Variants in COG2 observed in about 807,000 individuals in gnomAD.
COG2 encodes conserved oligomeric Golgi complex subunit 2.
A neutral mutation model predicts 90.6 loss-of-function variants in COG2; 52 were observed. That is an observed-to-expected ratio of 0.57 (90% CI 0.46 to 0.72). The LOEUF (loss-of-function observed/expected upper bound fraction) is 0.72. COG2 is among the 30% of genes least tolerant of loss of function. COG2 has a pLI of 0.00. For missense variants in COG2, 829 were observed against 891.2 expected (o/e 0.93, Z 0.89); for synonymous variants, 337 against 320.4 (o/e 1.05, Z -0.55).
At chr1:230,690,404 C>T (rs1185718679) in intron 16 of COG2, 2 of 345,956 alleles carry the variant, frequency 5.8e-6, no homozygotes, top group East Asian at 5.0e-5. Flanking sequence ...GCCCCCGCAT[C>T]TCCAGGCCCT....
intron 8 of COG2, among the ~76,000 whole-genome samples, chr1:230,672,789 C>T (rs1407139760): frequency 2.0e-5 from 3 of 152,110 alleles, no homozygotes; most frequent in East Asian, 1.9e-4. Flanking sequence ...ATCACCTCTC[C>T]GCTGCTCACA....
In COG2 at chr1:230,642,755, G is replaced by A. The variant is rs1661655836; in HGVS notation, c.72+77G>A. On this transcript the variant is annotated intron_variant, in intron 1 of 17. Transcript: ENST00000366669. Reference sequence around the variant, plus strand: ...TGTGCCCTCTGTGGCGGTCTCTTCGGTCGGCTGCTCCTGCCTGCGCACGCT... The same window carrying A: ...TGTGCCCTCTGTGGCGGTCTCTTCGATCGGCTGCTCCTGCCTGCGCACGCT... 3.5e-6 allele frequency: 5 copies of A among 1,418,210 alleles called. No homozygotes were observed. In the Admixed American group the frequency reaches 6.3e-5, roughly 18 times the overall value. 87.9% of individuals were successfully genotyped at this position (1,418,210 alleles called of 1,614,324 possible).
chr1:230,674,866 C>A, intron 8 of COG2, 132 bp from the exon 9 acceptor site: 1 of 679,026 alleles, frequency 1.5e-6, no homozygotes, highest in Middle Eastern at 4.1e-4. Flanking sequence ...AACTAAATTA[C>A]AAATACGGTT....
chr1:230,691,324 C>T, intron 16 of COG2, 60 bp from the exon 17 acceptor site: 1 of 1,428,950 alleles, frequency 7.0e-7, no homozygotes, highest in Admixed American at 2.6e-5. Context: ...AAGCCAGTTA[C>T]TCTATTTGGT....
At chr1:230,675,277 G>A (rs1037113456) in intron 9 of COG2, among the ~76,000 whole-genome samples, 153 bp downstream of exon 9, 5 of 152,068 alleles carry the variant, frequency 3.3e-5, no homozygotes, top group African/African-American at 7.2e-5. Flanking sequence ...CACACACATC[G>A]TTTTATCCAA....
Position 230,685,069 on chromosome 1 carries a change from G to A in COG2, c.1229-16G>A. On this transcript the variant is annotated splice_polypyrimidine_tract_variant and intron_variant, in intron 11 of 17. Coordinates refer to ENST00000366669, the MANE Select transcript of COG2 (RefSeq NM_007357.3). ...TGAAATTCCTTAAATGTGTGTTGTT[G>A]TTGTTTTTTCTCTAGCTGAAAGTCC... 1 of 1,613,590 alleles carries A rather than the reference G, an allele frequency of 6.2e-7. No homozygotes were observed. Among genetic ancestry groups the A allele is most frequent in the Middle Eastern group, 1.6e-4 (1 of 6,062 alleles).
At chr1:230,686,854 T>C in intron 12 of COG2, 81 bp from the exon 13 acceptor site, 1 of 817,830 alleles carries the variant, frequency 1.2e-6, no homozygotes, top group Non-Finnish European at 1.8e-6. Context: ...TGGTGAGTTA[T>C]TGACGCGCAC....
chr1:230,679,592 T>C (rs1662684154), intron 10 of COG2: 1 of 152,262 alleles, frequency 6.6e-6, no homozygotes, highest in Non-Finnish European at 1.5e-5. Flanking sequence ...TTGTACCCTC[T>C]ATTCAGGAAA....
chr1:230,682,267 G>A (rs1031525263), intron 10 of COG2: 1 of 152,224 alleles, frequency 6.6e-6, no homozygotes, highest in Admixed American at 6.5e-5. Context: ...AGGACTTGGG[G>A]GTCTGAGATT....
At chr1:230,683,731 C>A in intron 11 of COG2, 96 bp downstream of exon 11, 2 of 605,654 alleles carry the variant, frequency 3.3e-6, no homozygotes, top group Non-Finnish European at 5.1e-6. Context: ...CGTACTTTTA[C>A]TGTTTTTTTT....
Position 230,669,503 on chromosome 1 carries a change from G to A in COG2, c.742G>A (p.Gly248Ser). ...GACACGGGACGCGGAGGCCTTAGTT[G>A]GCCAAGTACTAGTGAAACCATACAT... ...DKTRDAEALV[G>S]QVLVKPYIDE... Residue 248 changes from glycine to serine, a missense_variant, in exon 7 of 18, where the codon GGC becomes AGC. Physicochemically the swap from Gly to Ser is moderately conservative, Grantham distance 56. Transcript: ENST00000366669. 1.2e-5 allele frequency: 20 copies of A among 1,613,940 alleles called. No individual in the cohort carries two copies. The highest frequency in any genetic ancestry group is 1.7e-5 in the Non-Finnish European group (20 of 1,179,928).
At chr1:230,673,470 C>T (rs1662506288) in intron 8 of COG2, among the ~76,000 whole-genome samples, 1 of 152,226 alleles carries the variant, frequency 6.6e-6, no homozygotes, top group Non-Finnish European at 1.5e-5. Flanking sequence ...ATTTCTCCTC[C>T]AGAGAATACA....
intron 8 of COG2, among the ~76,000 whole-genome samples, chr1:230,674,173 T>C (rs1255803975): frequency 6.6e-6 from 1 of 152,234 alleles, no homozygotes; most frequent in Non-Finnish European, 1.5e-5. Flanking sequence ...AACATAGGGC[T>C]TTTACTATAT....
At position 230,675,135 on chromosome 1, in the gene COG2, G is replaced by A. The variant is rs200709537; in HGVS notation, c.1026+11G>A. On this transcript the variant is annotated intron_variant, in intron 9 of 17. Transcript: ENST00000366669. The stretch of plus-strand genomic sequence containing the variant: ...GATGCATTTCATGAGGTATCTCCCC[G>A]CCCGTCGTCTTGATTCTTGAAGATG... 93 of 1,604,062 alleles carry A rather than the reference G, an allele frequency of 5.8e-5. No individual in the cohort carries two copies. Among genetic ancestry groups the A allele is most frequent in the Admixed American group, 3.9e-4 (23 of 58,820 alleles).
intron 15 of COG2, 187 bp from the exon 16 acceptor site, chr1:230,689,827 T>G (rs1662978700): frequency 1.7e-5 from 9 of 537,604 alleles, no homozygotes; most frequent in Middle Eastern, 5.1e-4. Flanking sequence ...CTGGCTCTTC[T>G]TATTCCCTCA....
chr1:230,686,539 G>C (rs1443332951), intron 12 of COG2, among the ~76,000 whole-genome samples: 1 of 152,026 alleles, frequency 6.6e-6, no homozygotes, highest in Non-Finnish European at 1.5e-5. Flanking sequence ...TGAAGGTTTG[G>C]ATTTTGATAT....
At chr1:230,647,906 A>T (rs1403033535) in intron 1 of COG2, among the ~76,000 whole-genome samples, 1 of 152,138 alleles carries the variant, frequency 6.6e-6, no homozygotes, top group African/African-American at 2.4e-5. Context: ...GAATGCTCGG[A>T]TACAGAGGGA....
At chr1:230,675,215 G>A in intron 9 of COG2, 91 bp downstream of exon 9, 5 of 1,401,548 alleles carry the variant, frequency 3.6e-6, no homozygotes, top group Non-Finnish European at 4.7e-6. Context: ...TTGGTTCTGT[G>A]GTTTATTAAA....
intron 9 of COG2, 105 bp from the exon 10 acceptor site, chr1:230,678,808 A>T: frequency 6.3e-7 from 1 of 1,578,458 alleles, no homozygotes; most frequent in Non-Finnish European, 8.6e-7. Flanking sequence ...AGAAACTGTG[A>T]TTCTTACGTG....
Sources: gnomAD v4.1 joint callset for allele counts (sites outside exome capture counted in the v4.1 genomes callset) on GRCh38, gnomAD v4.1.1 for gene constraint, MANE v1.5 for transcripts, NCBI Gene and HGNC (gene_info 2026-07-23, HGNC 2026-07-21) for gene names.